The following MLXIP variants were observed in gnomAD, a reference collection of about 807,000 sequenced individuals.
MLXIP encodes MLX-interacting protein.
MLXIP carries 30 observed loss-of-function variants against 87.2 expected under a neutral mutation model. That is an observed-to-expected ratio of 0.34 (90% CI 0.26 to 0.47). MLXIP has a LOEUF of 0.47. Ranked by LOEUF, MLXIP falls within the 20% of genes least tolerant of loss-of-function variation. MLXIP has a pLI of 1.00. For synonymous variants in MLXIP, 530 were observed against 514.0 expected (o/e 1.03, Z -0.42); for missense variants, 1,002 against 1,240.1 (o/e 0.81, Z 2.88).
chr12:122,115,183 G>GAT (rs1424678327), intron 1 of MLXIP, among the ~76,000 whole-genome samples: 2 of 151,990 alleles, frequency 1.3e-5, no homozygotes, highest in African/African-American at 4.8e-5. Flanking sequence ...ATTATGGATA[G>GAT]ATATATATTT....
In MLXIP at chr12:122,133,408, C is replaced by T. The variant is rs1367447869; in HGVS notation, c.1153C>T (p.Pro385Ser). The T allele has an allele frequency of 1.2e-6, 2 of 1,604,990 alleles. No individual in the cohort carries two copies. Among genetic ancestry groups the T allele is most frequent in the Non-Finnish European group, 1.7e-6 (2 of 1,173,720 alleles). ...GAGCCTTCCTGACAGCCTCATCGCG[C>T]CCCCTACCGCCCCATCCCTGGCTCA... ...TVSLPDSLIAPPTAPSLAHMD... is the reference protein window; with the variant it reads ...TVSLPDSLIASPTAPSLAHMD... The change falls in exon 9 of 17, where the codon CCC becomes TCC. Residue 385 changes from proline to serine, a missense_variant. By Grantham distance (74) the Pro-to-Ser change is moderately conservative. Transcript: ENST00000319080. The surrounding 1 kb of genome is among the most constrained non-coding windows in gnomAD (Gnocchi z 4.9).
At chr12:122,103,144 C>CACCTGGGA (rs1372863745) in intron 1 of MLXIP, among the ~76,000 whole-genome samples, 1 of 152,136 alleles carries the variant, frequency 6.6e-6, no homozygotes, top group Admixed American at 6.6e-5. Context: ...GCTGGGACTA[C>CACCTGGGA]AGGTGTACGC....
At chr12:122,116,053 A>AACACACACACACACACACACAC (rs138548664) in intron 1 of MLXIP, among the ~76,000 whole-genome samples, 146 of 147,326 alleles carry the variant, frequency 9.9e-4, no homozygotes, top group African/African-American at 3.5e-3. Flanking sequence ...TCCATCTGAA[A>AACACACACACACACACACACAC]ACACACACAC....
intron 3 of MLXIP, 75 bp from the exon 4 acceptor site, chr12:122,129,062 A>G: frequency 1.6e-6 from 2 of 1,238,680 alleles, no homozygotes; most frequent in Non-Finnish European, 1.2e-6. Flanking sequence ...ATAGTGCCGG[A>G]TACTCAGTAC....
intron 1 of MLXIP, among the ~76,000 whole-genome samples, chr12:122,119,523 C>T (rs969938399): frequency 4.6e-5 from 7 of 152,136 alleles, no homozygotes; most frequent in Admixed American, 2.0e-4. Flanking sequence ...TCCCAAATAG[C>T]TGGGACTACA....
chr12:122,107,531 T>C (rs1952539868), intron 1 of MLXIP, among the ~76,000 whole-genome samples: 2 of 152,220 alleles, frequency 1.3e-5, no homozygotes, highest in South Asian at 4.1e-4. Context: ...CAGCTGAATG[T>C]ATGAATTCTT....
intron 15 of MLXIP, chr12:122,139,145 G>A (rs1953151426): frequency 3.1e-6 from 1 of 322,454 alleles, no homozygotes; most frequent in Non-Finnish European, 4.5e-6. Context: ...GCTTCAGGGT[G>A]CTTTGCAGGA....
At position 122,143,734 on chromosome 12, in the gene MLXIP, C is replaced by T. The variant is rs918101816; in HGVS notation, c.*1922C>T. 6.6e-6 allele frequency: 1 copy of T among 152,230 alleles called. No individual in the cohort carries two copies. The highest frequency in any genetic ancestry group is 1.5e-5 in the Non-Finnish European group (1 of 68,060). 9.4% of individuals were successfully genotyped at this position (152,230 alleles called of 1,614,324 possible). On this transcript the variant is annotated 3_prime_UTR_variant, in exon 17 of 17. Transcript: ENST00000319080. ...GGCTGAGCCAAGAACTCTCCTAAAT[C>T]AGTGGCTTTCTCCCCACCCCTTGCT...
intron 1 of MLXIP, among the ~76,000 whole-genome samples, chr12:122,089,996 A>G (rs1952221847): frequency 6.6e-6 from 1 of 152,148 alleles, no homozygotes. Context: ...TTAGCTCCTT[A>G]AGTCTTGGTG....
intron 1 of MLXIP, among the ~76,000 whole-genome samples, chr12:122,105,369 C>T (rs1220696093): frequency 2.0e-5 from 3 of 150,374 alleles, no homozygotes; most frequent in Admixed American, 6.7e-5. Flanking sequence ...TTTTTGGAGA[C>T]GGAGTTTCGC....
chr12:122,103,872 G>T (rs1952479168), intron 1 of MLXIP, among the ~76,000 whole-genome samples: 1 of 144,106 alleles, frequency 6.9e-6, no homozygotes, highest in Non-Finnish European at 1.5e-5. Context: ...ACAGGGTTTT[G>T]CTGTGTTGTC....
chr12:122,103,823 C>A (rs534095481), intron 1 of MLXIP, among the ~76,000 whole-genome samples: 2 of 144,450 alleles, frequency 1.4e-5, no homozygotes, highest in African/African-American at 5.3e-5. Context: ...GCCACTGTGC[C>A]CGGCCTAATT....
At position 122,080,162 on chromosome 12, in the gene MLXIP, T is replaced by C. The variant is rs149689781; in HGVS notation, c.413+896T>C. ...CCCACTATGAATATTAGGTATTTGC[T>C]GCAGGTAACTTTTTTGTCTGCGCAA... On this transcript the variant is annotated intron_variant, in intron 1 of 16. Transcript: ENST00000319080. Among the ~76,000 whole-genome samples the C allele has an allele frequency of 2.0e-5, 3 of 152,346 alleles. No homozygotes were observed. In the East Asian group the frequency reaches 5.8e-4, roughly 29 times the overall value.
chr12:122,109,862 A>G (rs1395480593), intron 1 of MLXIP, among the ~76,000 whole-genome samples: 2 of 152,202 alleles, frequency 1.3e-5, no homozygotes, highest in Non-Finnish European at 2.9e-5. Context: ...CTATTATGTG[A>G]TGAGGGCAGT....
intron 1 of MLXIP, among the ~76,000 whole-genome samples, chr12:122,127,047 G>T (rs1274853217): frequency 6.6e-6 from 1 of 152,128 alleles, no homozygotes; most frequent in Non-Finnish European, 1.5e-5. Context: ...GGCCAGTCCT[G>T]CCCTCCGCGC....
chr12:122,102,853 G>A (rs941904414), intron 1 of MLXIP, among the ~76,000 whole-genome samples: 3 of 152,170 alleles, frequency 2.0e-5, no homozygotes, highest in African/African-American at 7.2e-5. Context: ...AATATGAAAC[G>A]TCCAGAATAT....
intron 1 of MLXIP, among the ~76,000 whole-genome samples, chr12:122,096,033 A>G (rs1485949337): frequency 6.6e-6 from 1 of 150,660 alleles, no homozygotes; most frequent in Non-Finnish European, 1.5e-5. Context: ...TATTTTTTCC[A>G]TTTAATAGAG....
intron 1 of MLXIP, among the ~76,000 whole-genome samples, chr12:122,092,733 G>C (rs1952265007): frequency 6.6e-6 from 1 of 152,190 alleles, no homozygotes; most frequent in South Asian, 2.1e-4. Context: ...TTTGGGATGG[G>C]GGAAAGGGAC....
At chr12:122,104,332 A>G (rs1406377297) in intron 1 of MLXIP, among the ~76,000 whole-genome samples, 1 of 152,130 alleles carries the variant, frequency 6.6e-6, no homozygotes, top group Non-Finnish European at 1.5e-5. Flanking sequence ...TCTGCGCACT[A>G]TCACTGTGAA....
Sources: allele counts gnomAD v4.1 joint callset (sites outside exome capture counted in the v4.1 genomes callset), GRCh38; gene constraint gnomAD v4.1.1; non-coding constraint Gnocchi (gnomAD v3.1); transcripts MANE v1.5; gene names NCBI Gene and HGNC (gene_info 2026-07-23, HGNC 2026-07-21).